Variants in SGCD observed in about 807,000 individuals in gnomAD.
SGCD encodes the protein delta-sarcoglycan.
SGCD carries 18 observed loss-of-function variants against 36.6 expected under a neutral mutation model. The ratio of observed to expected loss-of-function variants is 0.49; its 90% CI spans 0.34 to 0.73. The LOEUF (loss-of-function observed/expected upper bound fraction) is 0.73. Among genes scored for constraint, SGCD ranks in the 30% least tolerant of loss-of-function variants. The pLI, the probability that SGCD is intolerant of heterozygous loss-of-function variation, is 0.01. For missense variants in SGCD, 387 were observed against 346.7 expected (o/e 1.12, Z -0.92); for synonymous variants, 133 against 130.6 (o/e 1.02, Z -0.12).
At chr5:155,952,351 A>AT (rs907263626) in intron 1 of SGCD, among the ~76,000 whole-genome samples, 16 of 149,738 alleles carry the variant, frequency 1.1e-4, no homozygotes, top group South Asian at 2.1e-4. Context: ...CTCCTGAGGA[A>AT]TTTTTTTTTT....
At chr5:155,856,034 T>C in the SGCD span, among the ~76,000 whole-genome samples, 2 of 152,170 alleles carry the variant, frequency 1.3e-5, no homozygotes, top group Non-Finnish European at 2.9e-5. Context: ...ATGAAAAATA[T>C]AATGAATGAG....
intron 1 of SGCD, among the ~76,000 whole-genome samples, chr5:155,910,328 A>G (rs1180481432): frequency 6.6e-6 from 1 of 152,194 alleles, no homozygotes; most frequent in Non-Finnish European, 1.5e-5. Context: ...GAGAGGACTT[A>G]AATCATCATA....
At chr5:156,633,561 A>G (rs1762713361) in intron 6 of SGCD, among the ~76,000 whole-genome samples, 1 of 152,176 alleles carries the variant, frequency 6.6e-6, no homozygotes, top group Non-Finnish European at 1.5e-5. Context: ...TCTGTGCTTC[A>G]GTTTCTGCTA....
chr5:156,612,257 T>A (rs548670225), intron 6 of SGCD, among the ~76,000 whole-genome samples: 98 of 152,334 alleles, frequency 6.4e-4, no homozygotes, highest in African/African-American at 2.3e-3. Flanking sequence ...AGTCCTATGA[T>A]GTTTGTTGAG....
At chr5:156,515,239 T>C (rs1757108258) in intron 4 of SGCD, among the ~76,000 whole-genome samples, 1 of 152,146 alleles carries the variant, frequency 6.6e-6, no homozygotes, top group Non-Finnish European at 1.5e-5. Context: ...AATAGCTTCA[T>C]GATATATTTC....
intron 7 of SGCD, among the ~76,000 whole-genome samples, chr5:156,718,040 C>T (rs953218446): frequency 6.6e-6 from 1 of 152,110 alleles, no homozygotes; most frequent in Non-Finnish European, 1.5e-5. Context: ...TATAGTAAAA[C>T]ATCTTTCCAA....
chr5:156,652,038 G>A lies in SGCD; in HGVS notation c.575+4502G>A, dbSNP rs112618050. ...CTAGTTATTTTATTTTTTGTGTGGG[G>A]TTGCTTTCTTGATTTGGCTCTCAGC... On this transcript the variant is annotated intron_variant, in intron 7 of 8. Coordinates refer to ENST00000337851, the MANE Select transcript of SGCD (RefSeq NM_000337.6). Among the ~76,000 whole-genome samples, 389 of 151,938 alleles carry A rather than the reference G, an allele frequency of 2.6e-3. 2 individuals are homozygous for A. The highest frequency in any genetic ancestry group is 9.0e-3 in the African/African-American group (371 of 41,446).
chr5:156,368,083 G>A (rs960406983), intron 3 of SGCD, among the ~76,000 whole-genome samples: 6 of 151,236 alleles, frequency 4.0e-5, no homozygotes, highest in Non-Finnish European at 5.9e-5. Flanking sequence ...CTGTATTCAC[G>A]CTTGCTTTTT....
intron 6 of SGCD, among the ~76,000 whole-genome samples, chr5:156,622,439 AAT>A (rs1306035761): frequency 1.6e-4 from 4 of 25,040 alleles, no homozygotes; most frequent in East Asian, 2.2e-3. Context: ...TCTAAAAAAT[AAT>A]AATAATAATA....
At chr5:155,799,647 C>T in the SGCD span, among the ~76,000 whole-genome samples, 16 of 151,180 alleles carry the variant, frequency 1.1e-4, no homozygotes, top group South Asian at 2.1e-4. Context: ...CTGCTCGCCT[C>T]GGCCTCCAAA....
intron 3 of SGCD, among the ~76,000 whole-genome samples, chr5:156,305,239 A>T (rs968303539): frequency 6.6e-6 from 1 of 152,144 alleles, no homozygotes; most frequent in Non-Finnish European, 1.5e-5. Context: ...CAGGAGGCCT[A>T]GGAGGAAAAA....
chr5:156,138,392 C>T (rs62380700), intron 3 of SGCD, among the ~76,000 whole-genome samples: 29 of 152,278 alleles, frequency 1.9e-4, no homozygotes, highest in Non-Finnish European at 3.8e-4. Flanking sequence ...CAGAGCGAGA[C>T]TTCATCTCAA....
chr5:155,824,420 T>TA, the SGCD span, among the ~76,000 whole-genome samples: 1 of 152,116 alleles, frequency 6.6e-6, no homozygotes, highest in Non-Finnish European at 1.5e-5. Context: ...TTGTAACAGA[T>TA]AAAAGTTGGC....
At chr5:156,247,210 T>A (rs1765460037) in intron 3 of SGCD, among the ~76,000 whole-genome samples, 1 of 152,224 alleles carries the variant, frequency 6.6e-6, no homozygotes, top group Non-Finnish European at 1.5e-5. Context: ...GATTTTATTC[T>A]GGATATAGGA....
intron 3 of SGCD, among the ~76,000 whole-genome samples, chr5:156,136,414 A>G (rs1299043780): frequency 6.6e-6 from 1 of 152,214 alleles, no homozygotes; most frequent in East Asian, 1.9e-4. Context: ...GCTAGCCTCA[A>G]TCACTTTTTA....
At chr5:156,512,363 A>G (rs1413374420) in intron 4 of SGCD, among the ~76,000 whole-genome samples, 1 of 152,146 alleles carries the variant, frequency 6.6e-6, no homozygotes, top group African/African-American at 2.4e-5. Flanking sequence ...CTATGTTTAG[A>G]TAGATACTTC....
At chr5:156,086,910 A>T (rs1761110148) in intron 1 of SGCD, among the ~76,000 whole-genome samples, 1 of 152,222 alleles carries the variant, frequency 6.6e-6, no homozygotes, top group African/African-American at 2.4e-5. Context: ...CATTCTGGCT[A>T]CTTCCTGCTG....
chr5:155,813,860 AC>A, the SGCD span, among the ~76,000 whole-genome samples: 2 of 152,190 alleles, frequency 1.3e-5, no homozygotes. Context: ...TTCCTCTCCT[AC>A]CACCATTAAA....
chr5:156,615,669 C>T (rs1001391164), intron 6 of SGCD, among the ~76,000 whole-genome samples: 1 of 152,160 alleles, frequency 6.6e-6, no homozygotes, highest in Non-Finnish European at 1.5e-5. Context: ...ACAGGTGCCA[C>T]AAATACACTG....
Sources: allele counts gnomAD v4.1 joint callset (sites outside exome capture counted in the v4.1 genomes callset), GRCh38; gene constraint gnomAD v4.1.1; transcripts MANE v1.5; gene names NCBI Gene and HGNC (gene_info 2026-07-23, HGNC 2026-07-21).